The following NDUFS4 variants were observed in gnomAD, a reference collection of about 807,000 sequenced individuals.
NDUFS4 encodes the protein NADH dehydrogenase [ubiquinone] iron-sulfur protein 4, mitochondrial.
In NDUFS4, 28 loss-of-function variants were observed where a neutral mutation model predicts 24.3. That is an observed-to-expected ratio of 1.15 (90% CI 0.85 to 1.58). The LOEUF is 1.58. Ranked by LOEUF, NDUFS4 falls within the 40% of genes most tolerant of loss-of-function variation. The pLI, the probability that NDUFS4 is intolerant of heterozygous loss-of-function variation, is 0.00. For missense variants in NDUFS4, 223 were observed against 207.9 expected, an observed-to-expected ratio of 1.07 and a Z score of -0.45; for synonymous variants, 93 against 69.7, an observed-to-expected ratio of 1.34 and a Z score of -1.67.
chr5:53,620,121 A>G (rs993719428), intron 2 of NDUFS4, among the ~76,000 whole-genome samples: 3 of 152,090 alleles, frequency 2.0e-5, no homozygotes, highest in Admixed American at 2.0e-4. Context: ...ATCTCAAAAA[A>G]TGTAAAAAAA....
chr5:53,566,746 C>G (rs1749039308), intron 1 of NDUFS4, among the ~76,000 whole-genome samples: 1 of 151,974 alleles, frequency 6.6e-6, no homozygotes, highest in Non-Finnish European at 1.5e-5. Flanking sequence ...AATGTAAATT[C>G]TCTGTAAATA....
intron 1 of NDUFS4, among the ~76,000 whole-genome samples, chr5:53,602,451 C>G (rs1308119406): frequency 6.6e-6 from 1 of 151,834 alleles, no homozygotes; most frequent in Non-Finnish European, 1.5e-5. Flanking sequence ...GCAGTAAAAC[C>G]TCTTGTATTA....
intron 2 of NDUFS4, among the ~76,000 whole-genome samples, chr5:53,643,218 T>C (rs1203848051): frequency 6.6e-6 from 1 of 152,108 alleles, no homozygotes; most frequent in Non-Finnish European, 1.5e-5. Context: ...TGAATTATTA[T>C]TTATAAATTA....
At chr5:53,584,354 C>G (rs1314449110) in intron 1 of NDUFS4, among the ~76,000 whole-genome samples, 1 of 152,040 alleles carries the variant, frequency 6.6e-6, no homozygotes, top group African/African-American at 2.4e-5. Flanking sequence ...CGGAGTTCAA[C>G]TGAGCTTCTT....
intron 2 of NDUFS4, among the ~76,000 whole-genome samples, chr5:53,611,975 A>G (rs946492731): frequency 2.0e-5 from 3 of 152,138 alleles, no homozygotes; most frequent in East Asian, 1.9e-4. Context: ...TATACCTTCA[A>G]TTTGCTTTCT....
intron 2 of NDUFS4, chr5:53,604,681 TC>T: frequency 2.2e-6 from 1 of 451,228 alleles, no homozygotes; most frequent in South Asian, 1.6e-5. Flanking sequence ...CCTAACATGG[TC>T]TTTGACGTCT....
rs569733480 is a variant in NDUFS4, at chr5:53,634,678, T to C, written c.178-11555T>C. 2.6e-3 allele frequency among the ~76,000 whole-genome samples: 391 copies of C among 152,224 alleles called. 1 individual carries two copies. Among genetic ancestry groups the C allele is most frequent in the South Asian group, 0.012 (59 of 4,816 alleles). On this transcript the variant is annotated intron_variant, in intron 2 of 4. Transcript: ENST00000296684. ...TTATTGCCCAGGCTGGTCTCAGATT[T>C]CCTGTGCTCAAACAGTTCATTTGCC...
intron 4 of NDUFS4, among the ~76,000 whole-genome samples, chr5:53,673,931 C>A (rs988838487): frequency 6.6e-6 from 1 of 152,292 alleles, no homozygotes; most frequent in East Asian, 1.9e-4. Context: ...CTCAGAGATA[C>A]AGCCTCTCTG....
intron 2 of NDUFS4, among the ~76,000 whole-genome samples, chr5:53,617,625 A>G (rs1750882973): frequency 6.6e-6 from 1 of 152,080 alleles, no homozygotes; most frequent in Non-Finnish European, 1.5e-5. Context: ...TCCCAAAATG[A>G]CTAAGGAGCA....
chr5:53,567,101 G>A (rs933847004), intron 1 of NDUFS4, among the ~76,000 whole-genome samples: 11 of 152,068 alleles, frequency 7.2e-5, no homozygotes, highest in Admixed American at 2.0e-4. Flanking sequence ...CACCTGCCTC[G>A]ACCTCCCAAA....
chr5:53,614,036 T>C (rs1750774717), intron 2 of NDUFS4, among the ~76,000 whole-genome samples: 1 of 151,960 alleles, frequency 6.6e-6, no homozygotes. Context: ...TGAACTAATA[T>C]TAAAAGTTTT....
At chr5:53,592,954 A>G (rs1042834156) in intron 1 of NDUFS4, among the ~76,000 whole-genome samples, 1 of 152,130 alleles carries the variant, frequency 6.6e-6, no homozygotes, top group African/African-American at 2.4e-5. Context: ...TAGTGCTAAT[A>G]TCTGTTAAGA....
intron 2 of NDUFS4, among the ~76,000 whole-genome samples, chr5:53,625,127 T>G (rs192825814): frequency 1.2e-4 from 18 of 152,172 alleles, no homozygotes; most frequent in African/African-American, 2.6e-4. Flanking sequence ...GGCTTTATTT[T>G]TTGTAGAAAT....
chr5:53,579,188 A>G (rs1039306347), intron 1 of NDUFS4, among the ~76,000 whole-genome samples: 40 of 150,454 alleles, frequency 2.7e-4, no homozygotes, highest in African/African-American at 8.9e-4. Context: ...CTTTCAGAAT[A>G]CATTATCTTT....
chr5:53,608,109 C>A (rs1180053418), intron 2 of NDUFS4, among the ~76,000 whole-genome samples: 2 of 152,148 alleles, frequency 1.3e-5, no homozygotes, highest in Non-Finnish European at 2.9e-5. Context: ...TAAAGTGAGT[C>A]ATGAAATTTT....
chr5:53,560,730 C>CT lies in NDUFS4; in HGVS notation c.69dup (p.Ala24CysfsTer33). On this transcript the variant is annotated frameshift_variant, in exon 1 of 5. Coordinates refer to ENST00000296684, the MANE Select transcript of NDUFS4 (RefSeq NM_002495.4). LOFTEE classifies it high-confidence loss of function. ...TGGCGGAGAAGGGCAGTGGCTGTAG[C>CT]TGCCCTTTCCGTTTCCAGGGTTCCG... 7.4e-6 allele frequency: 12 copies of CT among 1,614,256 alleles called. No individual in the cohort carries two copies. Among genetic ancestry groups the CT allele is most frequent in the Non-Finnish European group, 1.0e-5 (12 of 1,180,034 alleles).
chr5:53,595,699 T>G (rs143615572), intron 1 of NDUFS4, among the ~76,000 whole-genome samples: 1 of 152,194 alleles, frequency 6.6e-6, no homozygotes, highest in Non-Finnish European at 1.5e-5. Context: ...TCAATTCCAT[T>G]TCAGAGTCTG....
intron 4 of NDUFS4, among the ~76,000 whole-genome samples, chr5:53,675,311 C>T (rs1037993326): frequency 1.6e-4 from 25 of 151,826 alleles, no homozygotes; most frequent in East Asian, 5.8e-4. Context: ...TACAGGCGCC[C>T]GCCACCACGC....
At chr5:53,639,053 G>A (rs1031304045) in intron 2 of NDUFS4, among the ~76,000 whole-genome samples, 4 of 151,792 alleles carry the variant, frequency 2.6e-5, no homozygotes, top group African/African-American at 7.3e-5. Context: ...TGGCAAACCA[G>A]TTATTTTACT....
Sources: gnomAD v4.1 joint callset for allele counts (sites outside exome capture counted in the v4.1 genomes callset) on GRCh38, gnomAD v4.1.1 for gene constraint, MANE v1.5 for transcripts, NCBI Gene and HGNC (gene_info 2026-07-23, HGNC 2026-07-21) for gene names.